The following RBPJ variants were observed in gnomAD, a reference collection of about 807,000 sequenced individuals.
The protein encoded by RBPJ is recombination signal binding protein for immunoglobulin kappa J region.
RBPJ carries 9 observed loss-of-function variants against 67.8 expected under a neutral mutation model. The ratio of observed to expected loss-of-function variants is 0.13; its 90% CI spans 0.08 to 0.23. RBPJ has a LOEUF of 0.23. Ranked by LOEUF, RBPJ falls within the 10% of genes least tolerant of loss-of-function variation. The pLI is 1.00. For synonymous variants in RBPJ, 198 were observed against 203.3 expected (o/e 0.97, Z 0.22); for missense variants, 305 against 595.6 (o/e 0.51, Z 5.08).
intron 1 of RBPJ, among the ~76,000 whole-genome samples, chr4:26,200,898 C>T (rs1717959892): frequency 6.6e-6 from 1 of 152,124 alleles, no homozygotes; most frequent in South Asian, 2.1e-4. Flanking sequence ...TACTTGTTTA[C>T]CTGACACTAC....
At chr4:26,262,772 A>G (rs2109252180) in intron 1 of RBPJ, among the ~76,000 whole-genome samples, 1 of 152,240 alleles carries the variant, frequency 6.6e-6, no homozygotes, top group African/African-American at 2.4e-5. Context: ...AACAGTTGGG[A>G]CATCCCTTTT....
At chr4:26,152,305 G>A in the RBPJ span, among the ~76,000 whole-genome samples, 2 of 152,122 alleles carry the variant, frequency 1.3e-5, no homozygotes, top group Non-Finnish European at 2.9e-5. Context: ...CATCCACCAC[G>A]TAGACTGGCA....
the RBPJ span, among the ~76,000 whole-genome samples, chr4:26,114,497 A>ATGTGTGTGTGTG: frequency 1.4e-5 from 2 of 140,072 alleles, no homozygotes; most frequent in African/African-American, 5.5e-5. Flanking sequence ...ATATATATAT[A>ATGTGTGTGTGTG]TGTATGTGTG....
At chr4:26,169,886 G>A (rs1390296540) in intron 1 of RBPJ, among the ~76,000 whole-genome samples, 1 of 152,200 alleles carries the variant, frequency 6.6e-6, no homozygotes, top group African/African-American at 2.4e-5. Context: ...GCCATGTGCG[G>A]GATATAATCT....
At chr4:26,359,697 G>T (rs1727834035) in intron 1 of RBPJ, 1 of 152,238 alleles carries the variant, frequency 6.6e-6, no homozygotes. Context: ...GGCCGAGCGG[G>T]CCGGGGCGGG....
At chr4:26,258,817 T>A (rs931571054) in intron 1 of RBPJ, among the ~76,000 whole-genome samples, 1 of 151,922 alleles carries the variant, frequency 6.6e-6, no homozygotes, top group African/African-American at 2.4e-5. Flanking sequence ...TTTATTTATT[T>A]ATTTTGAGAC....
chr4:26,396,370 A>T (rs1277446105), intron 2 of RBPJ, among the ~76,000 whole-genome samples: 1 of 152,228 alleles, frequency 6.6e-6, no homozygotes, highest in Admixed American at 6.5e-5. Flanking sequence ...AGAATGGAGT[A>T]GAGTAGGAAG....
the RBPJ span, among the ~76,000 whole-genome samples, chr4:26,135,053 C>G: frequency 6.6e-6 from 1 of 152,142 alleles, no homozygotes; most frequent in South Asian, 2.1e-4. Context: ...TGGTCTGCCT[C>G]CTTCCTCACT....
intron 1 of RBPJ, among the ~76,000 whole-genome samples, chr4:26,270,022 C>A (rs1022454484): frequency 6.6e-6 from 1 of 151,918 alleles, no homozygotes; most frequent in Non-Finnish European, 1.5e-5. Flanking sequence ...CGGCTCAGAC[C>A]TGTAATCTCA....
intron 1 of RBPJ, among the ~76,000 whole-genome samples, chr4:26,347,331 G>C (rs1275600226): frequency 1.3e-5 from 2 of 152,204 alleles, no homozygotes; most frequent in African/African-American, 4.8e-5. Flanking sequence ...CTCTTGGATA[G>C]AGTTAGGCAG....
intron 7 of RBPJ, among the ~76,000 whole-genome samples, chr4:26,426,471 G>A (rs1735680509): frequency 6.6e-6 from 1 of 152,182 alleles, no homozygotes; most frequent in African/African-American, 2.4e-5. Flanking sequence ...AGAAAAAGTT[G>A]CAGTACCATT....
chr4:26,309,321 C>T (rs973322808), intron 1 of RBPJ, among the ~76,000 whole-genome samples: 1 of 152,078 alleles, frequency 6.6e-6, no homozygotes, highest in Non-Finnish European at 1.5e-5. Flanking sequence ...CCTGTGCCAC[C>T]GTGTCCTGCG....
At chr4:26,378,796 G>T (rs1443010825) in intron 1 of RBPJ, among the ~76,000 whole-genome samples, 1 of 152,174 alleles carries the variant, frequency 6.6e-6, no homozygotes, top group East Asian at 1.9e-4. Flanking sequence ...GGAGGCCGAG[G>T]CAGGTGGATC....
chr4:26,187,991 C>T (rs1717334525), intron 1 of RBPJ, among the ~76,000 whole-genome samples: 1 of 152,136 alleles, frequency 6.6e-6, no homozygotes, highest in Admixed American at 6.5e-5. Context: ...CATGCCACTG[C>T]ACTCCAGCCT....
intron 1 of RBPJ, among the ~76,000 whole-genome samples, chr4:26,198,991 T>C (rs944227627): frequency 1.3e-5 from 2 of 152,228 alleles, no homozygotes; most frequent in African/African-American, 4.8e-5. Flanking sequence ...TACATTCATT[T>C]ACATTGCGAT....
At chr4:26,144,721 A>C in the RBPJ span, among the ~76,000 whole-genome samples, 1 of 152,284 alleles carries the variant, frequency 6.6e-6, no homozygotes, top group East Asian at 1.9e-4. Flanking sequence ...GGACCTCAAG[A>C]TTTGTAATAT....
intron 2 of RBPJ, among the ~76,000 whole-genome samples, chr4:26,388,202 G>T (rs567888683): frequency 2.0e-5 from 3 of 152,126 alleles, no homozygotes; most frequent in South Asian, 4.2e-4. Flanking sequence ...TCACTATGTT[G>T]CCCAGGCTCA....
intron 1 of RBPJ, among the ~76,000 whole-genome samples, chr4:26,241,335 G>A (rs1373269803): frequency 6.6e-6 from 1 of 152,114 alleles, no homozygotes; most frequent in African/African-American, 2.4e-5. Context: ...GCTGACATTG[G>A]AGACTTAAGC....
At chr4:26,316,468 TACATTCATATATAC>T (rs1560258289), upstream of RBPJ, among the ~76,000 whole-genome samples, 1 of 134,286 alleles carries the variant, frequency 7.4e-6, no homozygotes, top group African/African-American at 2.8e-5. Context: ...CATTCATATA[TACATTCATATATAC>T]ATATTCATAT....
Sources: gnomAD v4.1 joint callset for allele counts (sites outside exome capture counted in the v4.1 genomes callset) on GRCh38, gnomAD v4.1.1 for gene constraint, MANE v1.5 for transcripts, NCBI Gene and HGNC (gene_info 2026-07-23, HGNC 2026-07-21) for gene names.